The following PARD3B variants were observed in gnomAD, a reference collection of about 807,000 sequenced individuals.
The protein encoded by PARD3B is partitioning defective 3 homolog B.
PARD3B carries 103 observed loss-of-function variants against 130.2 expected under a neutral mutation model. The observed-to-expected ratio is 0.79, with a 90% confidence interval of 0.67 to 0.93. The LOEUF (loss-of-function observed/expected upper bound fraction) is 0.93. Among genes scored for constraint, PARD3B ranks in the 40% least tolerant of loss-of-function variants. PARD3B has a pLI of 0.00. For synonymous variants in PARD3B, 583 were observed against 553.2 expected, an observed-to-expected ratio of 1.05 and a Z score of -0.76; for missense variants, 1,609 against 1,499.2, an observed-to-expected ratio of 1.07 and a Z score of -1.21.
At position 204,669,476 on chromosome 2, in the gene PARD3B, A is replaced by G. The variant is rs2036183933; in HGVS notation, c.121-16705A>G. 6.6e-6 allele frequency among the ~76,000 whole-genome samples: 1 copy of G among 152,168 alleles called. No individual in the cohort carries two copies. The highest frequency in any genetic ancestry group is 1.5e-5 in the Non-Finnish European group (1 of 68,036). On this transcript the variant is annotated intron_variant, in intron 1 of 22. Transcript: ENST00000406610. This position sits in a 1 kb window ranked among gnomAD's most constrained non-coding sequence, Gnocchi z 4.3. ...TAAAGTCACCTCTTATAACTTGCAT[A>G]ACAGTAACCCAACATGCTTTTGAGC... is the stretch of plus-strand genomic sequence containing the variant.
At chr2:205,221,958 G>C (rs1463928402) in intron 15 of PARD3B, among the ~76,000 whole-genome samples, 1 of 152,104 alleles carries the variant, frequency 6.6e-6, no homozygotes, top group African/African-American at 2.4e-5. Context: ...ATTGGAGGGT[G>C]GAGGGTAGGA....
At chr2:204,703,493 A>G (rs2037991449) in intron 2 of PARD3B, among the ~76,000 whole-genome samples, 1 of 152,186 alleles carries the variant, frequency 6.6e-6, no homozygotes, top group Non-Finnish European at 1.5e-5. Flanking sequence ...AAGATTGTGA[A>G]TTTCTTTACT....
At chr2:205,239,757 T>A (rs1357659821) in intron 15 of PARD3B, among the ~76,000 whole-genome samples, 1 of 152,202 alleles carries the variant, frequency 6.6e-6, no homozygotes, top group Non-Finnish European at 1.5e-5. Flanking sequence ...GGCTGAGAGA[T>A]GCATTATGAT....
chr2:204,598,649 T>A (rs1252043031), intron 1 of PARD3B, among the ~76,000 whole-genome samples: 1 of 152,138 alleles, frequency 6.6e-6, no homozygotes, highest in Non-Finnish European at 1.5e-5. Flanking sequence ...GTGTACAATA[T>A]TATATTGCAT....
intron 2 of PARD3B, among the ~76,000 whole-genome samples, chr2:204,820,372 C>G (rs1368295261): frequency 1.3e-5 from 2 of 151,970 alleles, no homozygotes; most frequent in East Asian, 2.0e-4. Context: ...CCACCATGCC[C>G]ATCCTAAACA....
chr2:205,261,945 G>C (rs897369286), intron 16 of PARD3B, among the ~76,000 whole-genome samples: 5 of 152,096 alleles, frequency 3.3e-5, no homozygotes, highest in African/African-American at 1.2e-4. Context: ...GCATGAGAAG[G>C]CTGTTTGATA....
rs2044031407 is a variant in PARD3B at position 205,352,522 on chromosome 2, A to G, written c.2631-48491A>G. Among the ~76,000 whole-genome samples, 1 of 152,240 alleles carries G rather than the reference A, an allele frequency of 6.6e-6. No homozygotes were observed. The highest frequency in any genetic ancestry group is 1.5e-5 in the Non-Finnish European group (1 of 68,038). ...TTTCATTCGGTTGATTAATACCTAT[A>G]GGAGAAGAGACTATTTGCTTTGATT... On this transcript the variant is annotated intron_variant, in intron 18 of 22. Transcript: ENST00000406610. The surrounding 1 kb of genome is among the most constrained non-coding windows in gnomAD (Gnocchi z 5.2).
intron 15 of PARD3B, among the ~76,000 whole-genome samples, chr2:205,232,282 G>A (rs207462804): frequency 2.6e-5 from 4 of 151,942 alleles, no homozygotes; most frequent in Non-Finnish European, 5.9e-5. Flanking sequence ...AAACCCCTAC[G>A]CACACACACA....
chr2:205,279,070 CAAAAAA>C (rs57717513), intron 16 of PARD3B, among the ~76,000 whole-genome samples: 5 of 38,852 alleles, frequency 1.3e-4, no homozygotes, highest in African/African-American at 1.9e-4. Context: ...GAATCTGTCT[CAAAAAA>C]AAAAAAAAAA....
At chr2:205,046,499 A>G (rs1232068159) in intron 3 of PARD3B, among the ~76,000 whole-genome samples, 2 of 148,326 alleles carry the variant, frequency 1.3e-5, no homozygotes, top group Non-Finnish European at 3.0e-5. Context: ...TTTTTTTTTA[A>G]GAAAAGGAAG....
chr2:204,811,556 A>G (rs1173295156), intron 2 of PARD3B, among the ~76,000 whole-genome samples: 1 of 152,142 alleles, frequency 6.6e-6, no homozygotes, highest in Non-Finnish European at 1.5e-5. Flanking sequence ...GATTCTTAGC[A>G]GCTTTCTAGG....
At chr2:204,646,234 T>G (rs548319045) in intron 1 of PARD3B, among the ~76,000 whole-genome samples, 1 of 152,244 alleles carries the variant, frequency 6.6e-6, no homozygotes, top group African/African-American at 2.4e-5. Context: ...CCAGAAGTTC[T>G]CACGTGCCAC....
At chr2:205,579,556 A>G (rs2053889543) in intron 22 of PARD3B, among the ~76,000 whole-genome samples, 1 of 152,198 alleles carries the variant, frequency 6.6e-6, no homozygotes, top group Non-Finnish European at 1.5e-5. Flanking sequence ...TCCCCAGCAG[A>G]CGTGGTATCC....
In PARD3B at chr2:204,678,404, G is replaced by A. The variant is rs114203416; in HGVS notation, c.121-7777G>A. Among the ~76,000 whole-genome samples, 600 of 152,162 alleles carry A rather than the reference G, an allele frequency of 3.9e-3. 5 individuals are homozygous for A. Among genetic ancestry groups the A allele is most frequent in the African/African-American group, 0.014 (569 of 41,506 alleles). On this transcript the variant is annotated intron_variant, in intron 1 of 22. Coordinates refer to ENST00000406610, the MANE Select transcript of PARD3B (RefSeq NM_001302769.2). This position sits in a 1 kb window ranked among gnomAD's most constrained non-coding sequence, Gnocchi z 4.2. ...GGGTGACATATACCCTGCCCTCTTG[G>A]TACCCGGGTTCTTGTCTGGCATCCA...
At chr2:205,104,736 A>G (rs544993813) in intron 5 of PARD3B, among the ~76,000 whole-genome samples, 1 of 152,258 alleles carries the variant, frequency 6.6e-6, no homozygotes, top group Admixed American at 6.5e-5. Flanking sequence ...AATCCATCCA[A>G]TACTCTTCTG....
chr2:205,192,750 C>A (rs933808033), intron 14 of PARD3B, among the ~76,000 whole-genome samples: 1 of 152,180 alleles, frequency 6.6e-6, no homozygotes, highest in Admixed American at 6.5e-5. Flanking sequence ...CTACAGGCAT[C>A]AGTCATTCAA....
chr2:204,780,872 G>T lies in PARD3B; in HGVS notation c.222+94590G>T, dbSNP rs150811919. On this transcript the variant is annotated intron_variant, in intron 2 of 22. Coordinates refer to ENST00000406610, the MANE Select transcript of PARD3B (RefSeq NM_001302769.2). ...TTCAATTCTGAGAAGTTCCATCTGA[G>T]CCAGAAAGAAAAAAAAAAAGATATG... Among the ~76,000 whole-genome samples the T allele has an allele frequency of 5.0e-3, 753 of 151,584 alleles. 8 individuals are homozygous for T. Among genetic ancestry groups the T allele is most frequent in the African/African-American group, 0.017 (691 of 41,288 alleles).
In PARD3B at chr2:205,321,866, C is replaced by G. The variant is rs1158879290; in HGVS notation, c.2630+20165C>G. Among the ~76,000 whole-genome samples the G allele has an allele frequency of 6.6e-6, 1 of 152,164 alleles. No individual in the cohort carries two copies. The highest frequency in any genetic ancestry group is 1.5e-5 in the Non-Finnish European group (1 of 68,038). ...TGTACTTCTTTGACAATTAATGAAA[C>G]TTCAGAAGTAAACCTCTGTAAATAG... On this transcript the variant is annotated intron_variant, in intron 18 of 22. Coordinates refer to ENST00000406610, the MANE Select transcript of PARD3B (RefSeq NM_001302769.2). This position sits in a 1 kb window ranked among gnomAD's most constrained non-coding sequence, Gnocchi z 4.2.
intron 1 of PARD3B, among the ~76,000 whole-genome samples, chr2:204,619,467 A>G (rs1199930491): frequency 1.3e-5 from 2 of 152,188 alleles, no homozygotes; most frequent in Admixed American, 1.3e-4. Flanking sequence ...TTTTATATAT[A>G]TAATATGCTT....
Sources: allele counts gnomAD v4.1 joint callset (sites outside exome capture counted in the v4.1 genomes callset), GRCh38; gene constraint gnomAD v4.1.1; non-coding constraint Gnocchi (gnomAD v3.1); transcripts MANE v1.5; gene names NCBI Gene and HGNC (gene_info 2026-07-23, HGNC 2026-07-21).